The following SLC6A16 variants were observed in gnomAD, a reference collection of about 807,000 sequenced individuals.
The protein encoded by SLC6A16 is orphan sodium- and chloride-dependent neurotransmitter transporter NTT5.
Under a neutral mutation model 65.4 loss-of-function variants are expected in SLC6A16, and 54 were observed. The observed-to-expected ratio is 0.83, with a 90% CI of 0.66 to 1.04. The LOEUF is 1.04. SLC6A16 is among the 50% of genes least tolerant of loss of function. The pLI, the probability that SLC6A16 is intolerant of heterozygous loss-of-function variation, is 0.00. For synonymous variants in SLC6A16, 330 were observed against 346.5 expected, an observed-to-expected ratio of 0.95 and a Z score of 0.53; for missense variants, 816 against 914.0, an observed-to-expected ratio of 0.89 and a Z score of 1.38.
the SLC6A16 span, chr19:49,335,308 G>A: frequency 3.5e-6 from 2 of 566,066 alleles, no homozygotes; most frequent in African/African-American, 3.8e-5. The surrounding 1 kb of genome is among the most constrained non-coding windows in gnomAD (Gnocchi z 4.6). Flanking sequence ...CAGAGCATGT[G>A]TCCCAGTGGA....
intron 7 of SLC6A16, among the ~76,000 whole-genome samples, chr19:49,307,692 C>A (rs1221484031): frequency 3.7e-5 from 3 of 81,836 alleles, no homozygotes; most frequent in African/African-American, 1.7e-4. Flanking sequence ...AAAAAAAAAT[C>A]TGCTGGGAGA....
the SLC6A16 span, chr19:49,336,599 A>G: frequency 1.3e-5 from 4 of 297,192 alleles, no homozygotes; most frequent in African/African-American, 8.6e-5. Context: ...CCTATGCCTC[A>G]GGGAGGTTTA....
chr19:49,340,110 C>A, the SLC6A16 span: 1 of 1,533,596 alleles, frequency 6.5e-7, no homozygotes, highest in Non-Finnish European at 8.8e-7. Flanking sequence ...TCGAGCCCCG[C>A]CCTTTTCTAC....
In SLC6A16 at chr19:49,296,433, T is replaced by C. The variant is rs1381770779; in HGVS notation, c.1230-1880A>G. On this transcript the variant is annotated intron_variant, in intron 7 of 11. Coordinates refer to ENST00000335875, the MANE Select transcript of SLC6A16 (RefSeq NM_014037.3). ...CCTTAGTAATCAAAGCAGGGAGGTA[T>C]TGGTGTAAAAAAAATAGACATGTTA... Among the ~76,000 whole-genome samples the C allele has an allele frequency of 3.3e-5, 5 of 152,144 alleles. No individual in the cohort carries two copies. In the East Asian group the frequency reaches 9.6e-4, roughly 29 times the overall value.
intron 1 of SLC6A16, among the ~76,000 whole-genome samples, chr19:49,319,123 A>G (rs192141583): frequency 6.6e-6 from 1 of 152,028 alleles, no homozygotes; most frequent in Middle Eastern, 3.2e-3. Context: ...ACTTAAAGAT[A>G]TAGCAATAGA....
intron 7 of SLC6A16, among the ~76,000 whole-genome samples, chr19:49,303,532 G>A (rs1325882025): frequency 6.6e-6 from 1 of 151,992 alleles, no homozygotes; most frequent in African/African-American, 2.4e-5. Context: ...GCGCCCACCT[G>A]TAGTCCCAGC....
At position 49,308,900 on chromosome 19, in the gene SLC6A16, A is replaced by C; in HGVS notation, c.1205T>G (p.Val402Gly). The change falls in exon 7 of 12, where the codon GTC becomes GGC. Residue 402 changes from valine to glycine, a missense_variant. Coordinates refer to ENST00000335875, the MANE Select transcript of SLC6A16 (RefSeq NM_014037.3). ...CCTCTCACAGCAGCGATGTGTGATG[A>C]CTGTCGCCCAGAAGCCCAGGACACA... ...NFCVLGFWAT[V>G]ITHRCCERNA... 1 of 1,614,152 alleles carries C rather than the reference A, an allele frequency of 6.2e-7. No homozygotes were observed. The highest frequency in any genetic ancestry group is 8.5e-7 in the Non-Finnish European group (1 of 1,180,028).
upstream of SLC6A16, among the ~76,000 whole-genome samples, chr19:49,327,334 C>T (rs576376559): frequency 8.1e-4 from 123 of 152,242 alleles, no homozygotes; most frequent in African/African-American, 2.9e-3. Context: ...GTGATCCGCC[C>T]GCCTCAGCCT....
chr19:49,310,573 G>A, intron 2 of SLC6A16, 63 bp from the exon 3 acceptor site: 1 of 1,586,838 alleles, frequency 6.3e-7, no homozygotes, highest in Non-Finnish European at 8.6e-7. Context: ...TGGACTCCAG[G>A]AGCCCAGGAA....
chr19:49,310,492 T>C lies in SLC6A16; in HGVS notation c.434A>G (p.Tyr145Cys), dbSNP rs1298341713. 1.2e-6 allele frequency: 2 copies of C among 1,614,008 alleles called. No individual in the cohort carries two copies. The highest frequency in any genetic ancestry group is 1.7e-5 in the Admixed American group (1 of 60,000). Reference sequence around the variant, plus strand: ...CCCGACCAGGAACAGCATGAAGATGTAGATGGCAGCGAAACTGCCTGTGAA... The same window carrying C: ...CCCGACCAGGAACAGCATGAAGATGCAGATGGCAGCGAAACTGCCTGTGAA... ...NSGGCSFAAIYIFMLFLVGVP... is the reference protein window; with the variant it reads ...NSGGCSFAAICIFMLFLVGVP... The change falls in exon 3 of 12, where the codon TAC (tyrosine) becomes TGC (cysteine). Residue 145 changes from tyrosine to cysteine, a missense_variant. Physicochemically the swap from Tyr to Cys is radical, Grantham distance 194. Coordinates refer to ENST00000335875, the MANE Select transcript of SLC6A16 (RefSeq NM_014037.3).
intron 1 of SLC6A16, among the ~76,000 whole-genome samples, chr19:49,315,051 C>T (rs1399569750): frequency 6.6e-6 from 1 of 151,532 alleles, no homozygotes; most frequent in African/African-American, 2.4e-5. Flanking sequence ...AAAAAAAAAC[C>T]AATGATTTTA....
chr19:49,338,217 A>AC, the SLC6A16 span: 6 of 1,428,490 alleles, frequency 4.2e-6, no homozygotes, highest in African/African-American at 7.2e-5. This position sits in a 1 kb window ranked among gnomAD's most constrained non-coding sequence, Gnocchi z 5.0. Context: ...GTCTCCCAGT[A>AC]CCCAGACCCT....
upstream of SLC6A16, among the ~76,000 whole-genome samples, chr19:49,327,397 A>G (rs556098431): frequency 6.6e-6 from 1 of 152,198 alleles, no homozygotes; most frequent in Admixed American, 6.5e-5. Context: ...CCATAGACCT[A>G]ATTTAGAAGG....
At chr19:49,335,579 C>T in the SLC6A16 span, 45 of 1,613,928 alleles carry the variant, frequency 2.8e-5, no homozygotes, top group Non-Finnish European at 3.8e-5. This position sits in a 1 kb window ranked among gnomAD's most constrained non-coding sequence, Gnocchi z 4.6. Flanking sequence ...TCATCAAGTA[C>T]TTCCTCTTCG....
intron 7 of SLC6A16, among the ~76,000 whole-genome samples, chr19:49,297,454 C>A (rs1970206529): frequency 6.6e-6 from 1 of 152,158 alleles, no homozygotes; most frequent in Non-Finnish European, 1.5e-5. Context: ...GTGGGACAAC[C>A]AGAACTCTCA....
the SLC6A16 span, chr19:49,339,322 C>A: frequency 3.1e-6 from 5 of 1,610,070 alleles, no homozygotes; most frequent in Middle Eastern, 1.7e-4. The surrounding 1 kb of genome is among the most constrained non-coding windows in gnomAD (Gnocchi z 4.5). Context: ...TTTCCCTACA[C>A]CCCCCAGGGC....
chr19:49,332,400 C>G, the SLC6A16 span: 1 of 394,578 alleles, frequency 2.5e-6, no homozygotes, highest in South Asian at 1.8e-5. Flanking sequence ...ACTAAAAATA[C>G]TAAAATCAGC....
At chr19:49,338,613 C>A in the SLC6A16 span, 1 of 970,992 alleles carries the variant, frequency 1.0e-6, no homozygotes. This position sits in a 1 kb window ranked among gnomAD's most constrained non-coding sequence, Gnocchi z 5.0. Context: ...GCTCCCCGAC[C>A]TGACCTCATA....
In SLC6A16 at chr19:49,311,713, G is replaced by A. The variant is rs577321181; in HGVS notation, c.-64-302C>T. 1.4e-3 allele frequency among the ~76,000 whole-genome samples: 213 copies of A among 151,622 alleles called. 1 individual carries two copies. The highest frequency in any genetic ancestry group is 2.9e-3 in the Admixed American group (44 of 15,240). On this transcript the variant is annotated intron_variant, in intron 1 of 11. Coordinates refer to ENST00000335875, the MANE Select transcript of SLC6A16 (RefSeq NM_014037.3). ...AAAATACAAAAATTAGCTGTGTATAGTGGCAGGCACCTGTAATCCCAGCTA... is the reference window on the plus strand; with the variant it reads ...AAAATACAAAAATTAGCTGTGTATAATGGCAGGCACCTGTAATCCCAGCTA...
Sources: gnomAD v4.1 joint callset for allele counts (sites outside exome capture counted in the v4.1 genomes callset) on GRCh38, gnomAD v4.1.1 for gene constraint, Gnocchi (gnomAD v3.1) non-coding constraint, MANE v1.5 for transcripts, NCBI Gene and HGNC (gene_info 2026-07-23, HGNC 2026-07-21) for gene names.